The following RHOH variants were observed in gnomAD, a reference collection of about 807,000 sequenced individuals.
RHOH encodes ras homolog family member H.
RHOH carries 6 observed loss-of-function variants against 13.8 expected under a neutral mutation model. That is an observed-to-expected ratio of 0.44 (90% CI 0.24 to 0.86). The LOEUF (loss-of-function observed/expected upper bound fraction) is 0.86. RHOH is among the 40% of genes least tolerant of loss of function. The pLI is 0.24. For missense variants in RHOH, 147 were observed against 244.5 expected, an observed-to-expected ratio of 0.60 and a Z score of 2.66; for synonymous variants, 117 against 103.0, an observed-to-expected ratio of 1.14 and a Z score of -0.82.
chr4:40,200,371 G>C (rs1338756719), intron 1 of RHOH: 1 of 152,112 alleles, frequency 6.6e-6, no homozygotes, highest in Admixed American at 6.5e-5. Context: ...TCTAAAGCTG[G>C]CTGGACAGCA....
upstream of RHOH, among the ~76,000 whole-genome samples, chr4:40,192,263 T>C (rs1722735212): frequency 6.6e-6 from 1 of 152,200 alleles, no homozygotes; most frequent in African/African-American, 2.4e-5. Flanking sequence ...TTTTAGTACA[T>C]ATTACCTATC....
chr4:40,195,779 T>G (rs1341216836), upstream of RHOH, among the ~76,000 whole-genome samples: 1 of 152,196 alleles, frequency 6.6e-6, no homozygotes, highest in African/African-American at 2.4e-5. Flanking sequence ...TAGGAGATAA[T>G]GTGCTCTTCA....
At chr4:40,191,681 C>T (rs1487850617), upstream of RHOH, among the ~76,000 whole-genome samples, 2 of 152,100 alleles carry the variant, frequency 1.3e-5, no homozygotes, top group African/African-American at 2.4e-5. Flanking sequence ...TGCAATAAAA[C>T]GAACCAGGAT....
At chr4:40,219,410 CAAAAAAAA>C in intron 1 of RHOH, among the ~76,000 whole-genome samples, 1 of 92,622 alleles carries the variant, frequency 1.1e-5, no homozygotes, top group South Asian at 3.8e-4. Context: ...GACTCCATCT[CAAAAAAAA>C]AAAAAAAAAA....
chr4:40,244,519 A>G lies in RHOH; in HGVS notation c.*557A>G. The G allele has an allele frequency of 4.8e-6, 1 of 209,252 alleles. No individual in the cohort carries two copies. 13.0% of individuals were successfully genotyped at this position (209,252 alleles called of 1,614,324 possible). On this transcript the variant is annotated 3_prime_UTR_variant, in exon 3 of 3. Coordinates refer to ENST00000381799, the MANE Select transcript of RHOH (RefSeq NM_004310.5). ...CAAATTTAAAAATGACCATAAATGA[A>G]TCTTTGCAATTTGTTTTCTACTTAC...
At chr4:40,229,361 C>T (rs1433514091) in intron 1 of RHOH, among the ~76,000 whole-genome samples, 4 of 152,010 alleles carry the variant, frequency 2.6e-5, no homozygotes, top group Non-Finnish European at 5.9e-5. Flanking sequence ...TGGGACCTGG[C>T]GCGGTGGCTC....
intron 1 of RHOH, among the ~76,000 whole-genome samples, chr4:40,239,880 G>GA (rs34980124): frequency 1.1e-3 from 155 of 136,628 alleles, no homozygotes; most frequent in Admixed American, 1.3e-3. Flanking sequence ...TCCGTCTCAA[G>GA]AAAAAAAAAA....
In RHOH at chr4:40,245,920, C is replaced by T. The variant is rs559629478; in HGVS notation, c.*1958C>T. 2 of 152,350 alleles carry T rather than the reference C, an allele frequency of 1.3e-5. No individual in the cohort carries two copies. The highest frequency in any genetic ancestry group is 4.8e-5 in the African/African-American group (2 of 41,570). The allele number at this position is 152,350 out of a possible 1,614,324, so 9.4% of individuals were successfully genotyped here. On this transcript the variant is annotated 3_prime_UTR_variant, in exon 3 of 3. Transcript: ENST00000381799. ...TTGATCTCTGGTGGGAGGATTGCCT[C>T]GGTTCCCTGGGGCTGACACAGCTGC... is the stretch of plus-strand genomic sequence containing the variant.
At chr4:40,208,320 A>G (rs1300007997) in intron 1 of RHOH, among the ~76,000 whole-genome samples, 7 of 152,172 alleles carry the variant, frequency 4.6e-5, no homozygotes, top group Non-Finnish European at 8.8e-5. Flanking sequence ...TCCTTTGCCA[A>G]TTTTGGGAGT....
intron 1 of RHOH, among the ~76,000 whole-genome samples, chr4:40,224,267 A>G (rs568958758): frequency 1.3e-5 from 2 of 152,220 alleles, no homozygotes; most frequent in South Asian, 4.1e-4. Context: ...TCGAATGGAT[A>G]TGGCATAATT....
chr4:40,197,642 A>G (rs1723370241), intron 1 of RHOH, among the ~76,000 whole-genome samples: 1 of 152,350 alleles, frequency 6.6e-6, no homozygotes, highest in South Asian at 2.1e-4. Flanking sequence ...AAGTAAATCT[A>G]AAGATGCTCT....
At position 40,246,171 on chromosome 4, in the gene RHOH, A is replaced by G. The variant is rs1729755908; in HGVS notation, c.*2209A>G. On this transcript the variant is annotated 3_prime_UTR_variant, in exon 3 of 3. Transcript: ENST00000381799. ...TCTTAAATCACGGATGCGGGTGTTC[A>G]GGGCCAGCCTTTGCCATGAGAGGTA... The G allele has an allele frequency of 6.6e-6, 1 of 152,236 alleles. No individual in the cohort carries two copies. Among genetic ancestry groups the G allele is most frequent in the Non-Finnish European group, 1.5e-5 (1 of 68,066 alleles). 9.4% of individuals were successfully genotyped at this position (152,236 alleles called of 1,614,324 possible).
intron 1 of RHOH, among the ~76,000 whole-genome samples, chr4:40,198,182 C>A (rs545872197): frequency 6.6e-6 from 1 of 152,166 alleles, no homozygotes; most frequent in East Asian, 1.9e-4. Flanking sequence ...ATGGAGGGGG[C>A]CTGGGGGCAA....
chr4:40,215,797 G>A (rs1325402615), intron 1 of RHOH, among the ~76,000 whole-genome samples: 1 of 152,166 alleles, frequency 6.6e-6, no homozygotes, highest in Non-Finnish European at 1.5e-5. Flanking sequence ...GTGCATGCCT[G>A]TAATCCCAGC....
intron 1 of RHOH, among the ~76,000 whole-genome samples, chr4:40,201,953 T>G (rs1366468872): frequency 3.3e-5 from 5 of 150,158 alleles, no homozygotes; most frequent in Non-Finnish European, 5.9e-5. Context: ...GAGTTTTTTT[T>G]TTTTTTTTTT....
At chr4:40,239,872 C>T (rs971271177) in intron 1 of RHOH, among the ~76,000 whole-genome samples, 3 of 144,744 alleles carry the variant, frequency 2.1e-5, no homozygotes, top group South Asian at 2.1e-4. Flanking sequence ...AGCGAGACTC[C>T]GTCTCAAGAA....
chr4:40,195,674 AG>A (rs111513195), upstream of RHOH, among the ~76,000 whole-genome samples: 17 of 152,094 alleles, frequency 1.1e-4, no homozygotes, highest in African/African-American at 3.9e-4. Flanking sequence ...CCGAACTCCT[AG>A]GTTCAAGCAA....
In RHOH at chr4:40,245,855, C is replaced by T. The variant is rs890181840; in HGVS notation, c.*1893C>T. 4 of 152,256 alleles carry T rather than the reference C, an allele frequency of 2.6e-5. No individual in the cohort carries two copies. Among genetic ancestry groups the T allele is most frequent in the African/African-American group, 9.6e-5 (4 of 41,452 alleles). The allele number at this position is 152,256 out of a possible 1,614,324, so 9.4% of individuals were successfully genotyped here. Reference sequence around the variant, plus strand: ...CACATTGCTTTCTCCTTCTCTCTCTCCTCCTATCCACAGCCAGTAAAAGGC... The same window carrying T: ...CACATTGCTTTCTCCTTCTCTCTCTTCTCCTATCCACAGCCAGTAAAAGGC... On this transcript the variant is annotated 3_prime_UTR_variant, in exon 3 of 3. Coordinates refer to ENST00000381799, the MANE Select transcript of RHOH (RefSeq NM_004310.5).
At chr4:40,204,187 C>T (rs1724366384) in intron 1 of RHOH, among the ~76,000 whole-genome samples, 2 of 152,160 alleles carry the variant, frequency 1.3e-5, no homozygotes, top group Admixed American at 1.3e-4. Context: ...TTCAAATAGC[C>T]TTCAATGTCT....
Sources: gnomAD v4.1 joint callset for allele counts (sites outside exome capture counted in the v4.1 genomes callset) on GRCh38, gnomAD v4.1.1 for gene constraint, MANE v1.5 for transcripts, NCBI Gene and HGNC (gene_info 2026-07-23, HGNC 2026-07-21) for gene names.